PLD5: variants seen among roughly 807,000 people sequenced by gnomAD.
PLD5 encodes the protein phospholipase D family member 5.
Under a neutral mutation model 61.1 loss-of-function variants are expected in PLD5, and 36 were observed. That is an observed-to-expected ratio of 0.59 (90% CI 0.45 to 0.78). The LOEUF is 0.78. Ranked by LOEUF, PLD5 falls within the 30% of genes least tolerant of loss-of-function variation. PLD5 has a pLI of 0.00. For synonymous variants in PLD5, 243 were observed against 242.8 expected (o/e 1.00, Z -0.01); for missense variants, 515 against 644.4 (o/e 0.80, Z 2.17).
At chr1:242,104,169 A>T (rs1229495616) in intron 8 of PLD5, among the ~76,000 whole-genome samples, 1 of 151,990 alleles carries the variant, frequency 6.6e-6, no homozygotes, top group Non-Finnish European at 1.5e-5. Flanking sequence ...CCCAGGCTGG[A>T]GTGCAGTGGC....
chr1:242,229,634 T>C (rs1448175150), intron 4 of PLD5, among the ~76,000 whole-genome samples: 3 of 152,228 alleles, frequency 2.0e-5, no homozygotes, highest in African/African-American at 7.2e-5. Context: ...ACTTTTGACA[T>C]TATCATGAAT....
intron 1 of PLD5, among the ~76,000 whole-genome samples, chr1:242,470,925 A>G (rs1667431785): frequency 1.3e-5 from 2 of 152,182 alleles, no homozygotes; most frequent in African/African-American, 2.4e-5. Context: ...CTTTGAGGTT[A>G]GTGGGCTCCT....
At chr1:242,347,377 G>GCA (rs1376973231) in intron 2 of PLD5, among the ~76,000 whole-genome samples, 1 of 152,026 alleles carries the variant, frequency 6.6e-6, no homozygotes, top group Non-Finnish European at 1.5e-5. Context: ...CAGCTTTGCA[G>GCA]CAATACATAT....
At chr1:242,166,058 C>G (rs1574432984) in intron 5 of PLD5, among the ~76,000 whole-genome samples, 3 of 152,310 alleles carry the variant, frequency 2.0e-5, no homozygotes, top group African/African-American at 7.2e-5. Context: ...GAACTTGCTT[C>G]CTGTTGTGGT....
chr1:242,357,734 G>A (rs1221498904), intron 1 of PLD5, among the ~76,000 whole-genome samples: 2 of 151,990 alleles, frequency 1.3e-5, no homozygotes, highest in Non-Finnish European at 2.9e-5. Flanking sequence ...TGATTCATCT[G>A]CCTTGGTCTC....
intron 1 of PLD5, among the ~76,000 whole-genome samples, chr1:242,432,989 GAT>G (rs1479603086): frequency 2.4e-4 from 36 of 152,128 alleles, no homozygotes; most frequent in Admixed American, 2.4e-3. Flanking sequence ...TTCTGTGGCA[GAT>G]GGCAAGGAGC....
At chr1:242,417,317 G>A (rs770963892) in intron 1 of PLD5, among the ~76,000 whole-genome samples, 6 of 152,172 alleles carry the variant, frequency 3.9e-5, no homozygotes, top group Non-Finnish European at 8.8e-5. Context: ...GGGATAGGGT[G>A]GAAGCATCTT....
intron 4 of PLD5, among the ~76,000 whole-genome samples, chr1:242,242,653 T>C (rs1672128376): frequency 6.6e-6 from 1 of 152,170 alleles, no homozygotes; most frequent in Admixed American, 6.5e-5. Flanking sequence ...TTCTGATCTG[T>C]GAAGTGAAAA....
At chr1:242,229,028 T>C (rs1671130242) in intron 4 of PLD5, among the ~76,000 whole-genome samples, 1 of 152,250 alleles carries the variant, frequency 6.6e-6, no homozygotes, top group Non-Finnish European at 1.5e-5. Flanking sequence ...AACTTTTATA[T>C]GTGTGCTTTT....
chr1:242,110,000 C>T (rs1661354405), intron 7 of PLD5, among the ~76,000 whole-genome samples: 1 of 149,198 alleles, frequency 6.7e-6, no homozygotes, highest in South Asian at 2.1e-4. Flanking sequence ...ATGAATGTAC[C>T]TGAGGCTGAG....
chr1:242,107,216 T>C (rs1014160308), intron 8 of PLD5, among the ~76,000 whole-genome samples: 2 of 152,028 alleles, frequency 1.3e-5, no homozygotes, highest in Non-Finnish European at 2.9e-5. Flanking sequence ...TGGCTCATGT[T>C]GGTAGTCCCA....
intron 1 of PLD5, among the ~76,000 whole-genome samples, chr1:242,481,870 G>C (rs1176078138): frequency 6.6e-6 from 1 of 152,144 alleles, no homozygotes; most frequent in Non-Finnish European, 1.5e-5. Flanking sequence ...ACTTCCAGAG[G>C]AACGATCAGG....
intron 5 of PLD5, among the ~76,000 whole-genome samples, chr1:242,162,886 G>A (rs1665955239): frequency 6.6e-6 from 1 of 152,058 alleles, no homozygotes; most frequent in Non-Finnish European, 1.5e-5. Flanking sequence ...CATGGCAGCA[G>A]AATATTCTCT....
At chr1:242,198,430 C>T (rs1668777599) in intron 5 of PLD5, among the ~76,000 whole-genome samples, 1 of 148,484 alleles carries the variant, frequency 6.7e-6, no homozygotes, top group African/African-American at 2.6e-5. Context: ...TCCCCAGTGA[C>T]CAGTCCTTCC....
At position 242,087,902 on chromosome 1, in the gene PLD5, C is replaced by G. The variant is rs879443479; in HGVS notation, c.*1952G>C. ...ATGAAGAATTTCAGTGAGAATCTCC[C>G]AATTAGTCATAAAACCATGCTACCC... On this transcript the variant is annotated 3_prime_UTR_variant, in exon 10 of 10. Transcript: ENST00000536534. The G allele has an allele frequency of 9.2e-5, 14 of 152,162 alleles. No individual in the cohort carries two copies. The highest frequency in any genetic ancestry group is 2.1e-4 in the Non-Finnish European group (14 of 68,032). 9.4% of individuals were successfully genotyped at this position (152,162 alleles called of 1,614,324 possible). A position where few individuals can be genotyped will look rare whatever the true frequency, so the allele number is the denominator to read the frequency against.
At chr1:242,425,668 A>T (rs532159895) in intron 1 of PLD5, among the ~76,000 whole-genome samples, 1 of 136,120 alleles carries the variant, frequency 7.3e-6, no homozygotes, top group Non-Finnish European at 1.5e-5. Context: ...TTTGAGACAG[A>T]GTCTCGCTCT....
rs552812120 is a variant in PLD5 at position 242,242,820 on chromosome 1, G to A, written c.607+22517C>T. On this transcript the variant is annotated intron_variant, in intron 4 of 9. Coordinates refer to ENST00000536534, the MANE Select transcript of PLD5 (RefSeq NM_001372062.1). ...TTTTTTGGTGAGTGTTTTAGAAAGT[G>A]AAAGAACTTTTGGTAAATCATATTA... Among the ~76,000 whole-genome samples the A allele has an allele frequency of 3.3e-4, 50 of 152,312 alleles. No homozygotes were observed. The East Asian group carries it at 9.1e-3, about 28-fold the overall frequency.
At chr1:242,103,445 G>A (rs573563756) in intron 8 of PLD5, among the ~76,000 whole-genome samples, 9 of 152,278 alleles carry the variant, frequency 5.9e-5, no homozygotes, top group African/African-American at 1.7e-4. Context: ...TCCACCAAGC[G>A]TCATGTGAGC....
rs1667049661 is a variant in PLD5 at position 242,459,536 on chromosome 1, G to C, written c.189+64552C>G. The stretch of plus-strand genomic sequence containing the variant: ...TTGTGATCAGCGCCAAGCTATGATT[G>C]CTATGGTTCATTTAAATCAGAGAAA... On this transcript the variant is annotated intron_variant, in intron 1 of 9. Transcript: ENST00000536534. Among the ~76,000 whole-genome samples, 3 of 152,168 alleles carry C rather than the reference G, an allele frequency of 2.0e-5. No individual in the cohort carries two copies. The South Asian group carries it at 6.2e-4, about 32-fold the overall frequency.
Sources: gnomAD v4.1 joint callset for allele counts (sites outside exome capture counted in the v4.1 genomes callset) on GRCh38, gnomAD v4.1.1 for gene constraint, MANE v1.5 for transcripts, NCBI Gene and HGNC (gene_info 2026-07-23, HGNC 2026-07-21) for gene names.